Variants in IDE observed in about 807,000 individuals in gnomAD.
IDE encodes insulin degrading enzyme, also known as insulin-degrading enzyme.
In IDE, 58 loss-of-function variants were observed where a neutral mutation model predicts 133.2. The ratio of observed to expected loss-of-function variants is 0.44; its 90% CI spans 0.35 to 0.54. The LOEUF (loss-of-function observed/expected upper bound fraction) is 0.54. Ranked by LOEUF, IDE falls within the 20% of genes least tolerant of loss-of-function variation. The pLI, the probability that IDE is intolerant of heterozygous loss-of-function variation, is 0.00. For missense variants in IDE, 981 were observed against 1,234.0 expected, an observed-to-expected ratio of 0.79 and a Z score of 3.07; for synonymous variants, 396 against 421.3, an observed-to-expected ratio of 0.94 and a Z score of 0.73.
At chr10:92,519,016 G>C (rs937188913) in intron 4 of IDE, among the ~76,000 whole-genome samples, 7 of 152,050 alleles carry the variant, frequency 4.6e-5, no homozygotes, top group African/African-American at 1.7e-4. Flanking sequence ...CTACCTCTTT[G>C]TATGACAACT....
chr10:92,509,773 T>C (rs1029147252), intron 6 of IDE, among the ~76,000 whole-genome samples: 7 of 151,876 alleles, frequency 4.6e-5, no homozygotes, highest in African/African-American at 1.7e-4. Context: ...ATACAAAAAT[T>C]AGCCAGGTGT....
intron 1 of IDE, among the ~76,000 whole-genome samples, chr10:92,556,202 AAAG>A (rs1843001693): frequency 6.7e-6 from 1 of 148,832 alleles, no homozygotes; most frequent in Non-Finnish European, 1.5e-5. Flanking sequence ...AAAAAAAAAG[AAAG>A]AAAAAAGTAA....
Position 92,455,631 on chromosome 10 carries a change from CCAA to C in IDE, c.2906_2908del (p.Val969del), listed in dbSNP as rs1364691636. ...TATGTCATTTTGACATGGGAACTCT[CCAA>C]CAACAGGACCTATAAGAAAATAAAA... On this transcript the variant is annotated inframe_deletion, in exon 24 of 25. Transcript: ENST00000265986. 6.3e-7 allele frequency: 1 copy of C among 1,589,570 alleles called. No homozygotes were observed. The highest frequency in any genetic ancestry group is 1.7e-5 in the Admixed American group (1 of 59,908).
intron 1 of IDE, chr10:92,541,263 T>C (rs1402203324): frequency 2.1e-6 from 1 of 465,256 alleles, no homozygotes; most frequent in Admixed American, 2.4e-5. Context: ...CTATAGCATA[T>C]CTATAAACAC....
At chr10:92,538,088 G>C (rs939043465) in intron 1 of IDE, among the ~76,000 whole-genome samples, 3 of 152,168 alleles carry the variant, frequency 2.0e-5, no homozygotes, top group East Asian at 1.9e-4. Context: ...TACCCATGCT[G>C]GTCTTGAACT....
chr10:92,483,909 C>T (rs932318996), intron 13 of IDE, among the ~76,000 whole-genome samples: 3 of 152,200 alleles, frequency 2.0e-5, no homozygotes, highest in Admixed American at 6.5e-5. Flanking sequence ...AGCCTGCTGC[C>T]ATGTCAAGCA....
rs1848935009 is a variant in IDE, at chr10:92,516,447, T to C, written c.662-1405A>G. On this transcript the variant is annotated intron_variant, in intron 4 of 24. Coordinates refer to ENST00000265986, the MANE Select transcript of IDE (RefSeq NM_004969.4). ...AGGCAGAGGTTGCATTGAGCCAAGA[T>C]TGTACCACTGCACTCCTGGGCAACA... Among the ~76,000 whole-genome samples, 4 of 152,148 alleles carry C rather than the reference T, an allele frequency of 2.6e-5. 1 individual carries two copies. The highest frequency in any genetic ancestry group is 4.8e-5 in the African/African-American group (2 of 41,428).
chr10:92,459,882 T>A (rs955230086), intron 22 of IDE, among the ~76,000 whole-genome samples: 5 of 147,610 alleles, frequency 3.4e-5, no homozygotes, highest in Non-Finnish European at 7.4e-5. Context: ...CGGGCTGGTG[T>A]GCAGTGGTGC....
chr10:92,538,530 G>A (rs1466487747), intron 1 of IDE, among the ~76,000 whole-genome samples: 3 of 152,246 alleles, frequency 2.0e-5, no homozygotes, highest in African/African-American at 7.2e-5. Context: ...GCCAGAGCAG[G>A]AAAAGTCTGG....
chr10:92,523,368 G>A (rs1849332936), intron 4 of IDE, among the ~76,000 whole-genome samples: 1 of 151,714 alleles, frequency 6.6e-6, no homozygotes, highest in Non-Finnish European at 1.5e-5. Flanking sequence ...ATGACAGAAG[G>A]AAACCCTGTC....
intron 6 of IDE, 128 bp downstream of exon 6, chr10:92,509,921 CA>C (rs11324773): frequency 0.18 from 61,377 of 333,446 alleles, 1,199 homozygotes; most frequent in Admixed American, 0.25. Context: ...ACTCTGTTTC[CA>C]AAAAAAAAAA....
chr10:92,556,179 C>CAA (rs60008680), intron 1 of IDE, among the ~76,000 whole-genome samples: 23,614 of 69,060 alleles, frequency 0.34, 5,397 homozygotes, highest in African/African-American at 0.41. Flanking sequence ...GACTCCGTCT[C>CAA]AAAAAAAAAA....
intron 1 of IDE, among the ~76,000 whole-genome samples, chr10:92,559,521 G>T (rs1304179248): frequency 6.6e-6 from 1 of 152,166 alleles, no homozygotes; most frequent in African/African-American, 2.4e-5. Flanking sequence ...AGACACAAAA[G>T]ACCACATATT....
rs540749888 is a variant in IDE, at chr10:92,567,002, T to C, written c.98+6920A>G. On this transcript the variant is annotated intron_variant, in intron 1 of 24. Transcript: ENST00000265986. ...AAGAAACCCCAGTAGTAGGTCAGTA[T>C]TCATCAATGTGGTTCTGATCTTTCA... is the stretch of plus-strand genomic sequence containing the variant. 1.2e-4 allele frequency among the ~76,000 whole-genome samples: 19 copies of C among 152,310 alleles called. No homozygotes were observed. The South Asian group carries it at 3.9e-3, about 32-fold the overall frequency.
In IDE at chr10:92,515,049, G is replaced by A. The variant is rs989726129; in HGVS notation, c.662-7C>T. 3 of 1,570,450 alleles carry A rather than the reference G, an allele frequency of 1.9e-6. No homozygotes were observed. The African/African-American group carries it at 4.1e-5, about 22-fold the overall frequency. On this transcript the variant is annotated splice_polypyrimidine_tract_variant and splice_region_variant and intron_variant, in intron 4 of 24. Transcript: ENST00000265986. ...TCCAGAGTATATTTGTTACCTGGAA[G>A]GGAAGAAAAGGGATTTCTTAGAAAA...
intron 1 of IDE, among the ~76,000 whole-genome samples, chr10:92,570,426 C>T (rs1217206642): frequency 1.3e-5 from 2 of 152,090 alleles, no homozygotes; most frequent in Non-Finnish European, 2.9e-5. Context: ...AATGTCTAAA[C>T]TAACAGAACA....
Position 92,508,117 on chromosome 10 carries a change from T to C in IDE, c.1149A>G (p.Gly383=), listed in dbSNP as rs769275802. ...AAAAGGTGAATCAATACTTACATAA[T>C]CCTTCCTCGGTCAAGTCCACATTAA... ...FIINVDLTEE[G]LLHVEDIILH... Residue 383 remains glycine, a synonymous_variant, in exon 8 of 25, where the codon GGA becomes GGG. Transcript: ENST00000265986. 1.0e-5 allele frequency: 16 copies of C among 1,606,516 alleles called. No homozygotes were observed. In the Admixed American group the frequency reaches 2.5e-4, roughly 25 times the overall value.
At chr10:92,514,040 T>C (rs1420448555) in intron 5 of IDE, among the ~76,000 whole-genome samples, 1 of 152,254 alleles carries the variant, frequency 6.6e-6, no homozygotes, top group Non-Finnish European at 1.5e-5. Flanking sequence ...TATTAACATT[T>C]AGATTTCTAA....
intron 4 of IDE, among the ~76,000 whole-genome samples, chr10:92,524,435 ATAT>A (rs2046606047): frequency 3.1e-5 from 2 of 64,400 alleles, no homozygotes; most frequent in African/African-American, 1.3e-4. Flanking sequence ...AATATATTTT[ATAT>A]AATATATTTT....
Sources: allele counts gnomAD v4.1 joint callset (sites outside exome capture counted in the v4.1 genomes callset), GRCh38; gene constraint gnomAD v4.1.1; transcripts MANE v1.5; gene names NCBI Gene and HGNC (gene_info 2026-07-23, HGNC 2026-07-21).